Variants in ANXA2 observed in about 807,000 individuals in gnomAD.
ANXA2 encodes the protein annexin II.
A neutral mutation model predicts 47.3 loss-of-function variants in ANXA2; 28 were observed. The ratio of observed to expected loss-of-function variants is 0.59; its 90% CI spans 0.44 to 0.81. ANXA2 has a LOEUF of 0.81. Among genes scored for constraint, ANXA2 ranks in the 40% least tolerant of loss-of-function variants. The pLI is 0.00. For synonymous variants in ANXA2, 172 were observed against 155.5 expected (o/e 1.11, Z -0.79); for missense variants, 384 against 414.3 (o/e 0.93, Z 0.64).
intron 3 of ANXA2, among the ~76,000 whole-genome samples, chr15:60,380,825 A>C (rs1424094265): frequency 7.0e-6 from 1 of 143,594 alleles, no homozygotes; most frequent in Non-Finnish European, 1.5e-5. Flanking sequence ...AAAAAAAAAA[A>C]GATTTTTTTT....
chr15:60,381,145 T>C (rs1370408607), intron 3 of ANXA2, among the ~76,000 whole-genome samples: 1 of 152,182 alleles, frequency 6.6e-6, no homozygotes, highest in Non-Finnish European at 1.5e-5. Flanking sequence ...AACCAGGACG[T>C]CATCCTAGTT....
intron 5 of ANXA2, among the ~76,000 whole-genome samples, chr15:60,359,325 C>A (rs1452343796): frequency 6.6e-6 from 1 of 152,130 alleles, no homozygotes; most frequent in African/African-American, 2.4e-5. Context: ...TAAATAGATT[C>A]TTGATGAAAA....
rs1224089986 is a variant in ANXA2, at chr15:60,351,222, A to C, written c.808T>G (p.Phe270Val). ...VQCIQNKPLY[F>V]ADRLYDSMKG... The stretch of plus-strand genomic sequence containing the variant: ...ATGGAGTCATACAGCCGATCAGCAA[A>C]ATACAGGGGCTTGTTCTGAATGCAC... Residue 270 changes from phenylalanine to valine, a missense_variant, in exon 11 of 13, where the codon TTT becomes GTT. By Grantham distance (50) the Phe-to-Val change is conservative (BLOSUM62 -1). Coordinates refer to ENST00000451270, the MANE Select transcript of ANXA2 (RefSeq NM_004039.3). 6.2e-7 allele frequency: 1 copy of C among 1,614,102 alleles called. No individual in the cohort carries two copies. Among genetic ancestry groups the C allele is most frequent in the Non-Finnish European group, 8.5e-7 (1 of 1,180,046 alleles).
rs1418803199 is a variant in ANXA2, at chr15:60,397,923, G to A, written c.-12+20C>T. On this transcript the variant is annotated intron_variant, in intron 1 of 12. Coordinates refer to ENST00000451270, the MANE Select transcript of ANXA2 (RefSeq NM_004039.3). Reference sequence around the variant, plus strand: ...CTAGCTGGCGGCCCATCGCGGGCGGGCAGGGCGCGCCCCGCTTACCTGGGC... The same window carrying A: ...CTAGCTGGCGGCCCATCGCGGGCGGACAGGGCGCGCCCCGCTTACCTGGGC... 6.0e-6 allele frequency: 8 copies of A among 1,328,234 alleles called. No homozygotes were observed. Among genetic ancestry groups the A allele is most frequent in the Admixed American group, 7.4e-5 (2 of 27,190 alleles). 82.3% of individuals were successfully genotyped at this position (1,328,234 alleles called of 1,614,324 possible).
At chr15:60,363,029 C>CAAAAAAAAAAAAAAAAAA (rs55992595) in intron 4 of ANXA2, 6 of 74,034 alleles carry the variant, frequency 8.1e-5, no homozygotes, top group Non-Finnish European at 1.2e-4. Flanking sequence ...GACCCTGTCA[C>CAAAAAAAAAAAAAAAAAA]AAAAAAAAAA....
At chr15:60,377,846 C>A (rs969578011) in intron 3 of ANXA2, among the ~76,000 whole-genome samples, 6 of 151,846 alleles carry the variant, frequency 4.0e-5, no homozygotes, top group African/African-American at 1.5e-4. Context: ...CCAGCACTTT[C>A]GGAGGCCAAG....
Position 60,352,886 on chromosome 15 carries a change from G to C in ANXA2, c.589-410C>G, listed in dbSNP as rs868185152. 6.6e-6 allele frequency among the ~76,000 whole-genome samples: 1 copy of C among 152,174 alleles called. No individual in the cohort carries two copies. The highest frequency in any genetic ancestry group is 2.4e-5 in the African/African-American group (1 of 41,448). On this transcript the variant is annotated intron_variant, in intron 8 of 12. Transcript: ENST00000451270. This position sits in a 1 kb window ranked among gnomAD's most constrained non-coding sequence, Gnocchi z 4.2. ...CTACAGACCAGGCTCTCATTCTCAA[G>C]CTTCTCAGAGACTCAGGGAGTGATG...
intron 7 of ANXA2, 69 bp downstream of exon 7, chr15:60,355,850 A>C (rs1365560409): frequency 7.9e-7 from 1 of 1,269,688 alleles, no homozygotes; most frequent in Non-Finnish European, 1.2e-6. Flanking sequence ...ATTCACTCCA[A>C]GTATAAAATG....
At chr15:60,384,697 T>A (rs1025030170) in intron 2 of ANXA2, 9 of 152,320 alleles carry the variant, frequency 5.9e-5, no homozygotes, top group Non-Finnish European at 8.8e-5. Context: ...AAAAAGATTT[T>A]AAAAAAACTC....
At chr15:60,376,973 C>G (rs114540606) in intron 3 of ANXA2, among the ~76,000 whole-genome samples, 1 of 152,370 alleles carries the variant, frequency 6.6e-6, no homozygotes, top group South Asian at 2.1e-4. Context: ...TGTGTACACA[C>G]GGCTACCCCC....
chr15:60,384,212 C>T (rs978339786), intron 2 of ANXA2: 6 of 152,166 alleles, frequency 3.9e-5, no homozygotes, highest in Non-Finnish European at 5.9e-5. Context: ...AAAACATTTT[C>T]CCATTTATTA....
chr15:60,358,850 G>C (rs1243105345), intron 5 of ANXA2, among the ~76,000 whole-genome samples: 1 of 152,218 alleles, frequency 6.6e-6, no homozygotes, highest in Non-Finnish European at 1.5e-5. Context: ...TTGTAGAATT[G>C]CAAGACAGGC....
intron 1 of ANXA2, among the ~76,000 whole-genome samples, chr15:60,389,388 T>C (rs1472013526): frequency 6.6e-6 from 1 of 152,186 alleles, no homozygotes; most frequent in Non-Finnish European, 1.5e-5. Context: ...AACTTTTCAT[T>C]GTGTTGTTCT....
Position 60,393,738 on chromosome 15 carries a change from T to C in ANXA2, c.-12+4205A>G, listed in dbSNP as rs1463131892. The C allele has an allele frequency of 1.9e-5, 18 of 954,812 alleles. No individual in the cohort carries two copies. The Admixed American group carries it at 1.0e-3, about 56-fold the overall frequency. 59.1% of individuals were successfully genotyped at this position (954,812 alleles called of 1,614,324 possible). A position where few individuals can be genotyped will look rare whatever the true frequency, so the allele number is the denominator to read the frequency against. On this transcript the variant is annotated intron_variant, in intron 1 of 12. Coordinates refer to ENST00000451270, the MANE Select transcript of ANXA2 (RefSeq NM_004039.3). ...GCTTCTGCAGCTTTTTGTGTGTCTG[T>C]GCAACATTAGAGTTACATGTGTAAA...
rs1477669477 is a variant in ANXA2 at position 60,382,415 on chromosome 15, C to T, written c.75G>A (p.Gly25=). 3 of 1,613,726 alleles carry T rather than the reference C, an allele frequency of 1.9e-6. No homozygotes were observed. Among genetic ancestry groups the T allele is most frequent in the African/African-American group, 1.3e-5 (1 of 74,996 alleles). Residue 25 remains glycine, a synonymous_variant, in exon 3 of 13, where the codon GGG becomes GGA. Coordinates refer to ENST00000451270, the MANE Select transcript of ANXA2 (RefSeq NM_004039.3). The stretch of plus-strand genomic sequence containing the variant: ...CAAAGTTAGTATAGGCTTTGACAGA[C>T]CCATATGCACTTGGGGGTGTAGAGT... The part of the protein sequence containing the change: ...GDHSTPPSAY[G]SVKAYTNFDA...
chr15:60,365,910 A>T (rs1478398777), intron 3 of ANXA2, among the ~76,000 whole-genome samples: 2 of 127,438 alleles, frequency 1.6e-5, no homozygotes, highest in Admixed American at 8.5e-5. Context: ...CCAAAGCTGG[A>T]CGGTACTGCT....
At chr15:60,355,835 A>T in intron 7 of ANXA2, 84 bp downstream of exon 7, 1 of 1,136,828 alleles carries the variant, frequency 8.8e-7, no homozygotes, top group Non-Finnish European at 1.3e-6. Context: ...CAGGGGATTT[A>T]GTTAATTCAC....
At chr15:60,380,075 A>G (rs2062834729) in intron 3 of ANXA2, among the ~76,000 whole-genome samples, 1 of 152,228 alleles carries the variant, frequency 6.6e-6, no homozygotes, top group Admixed American at 6.5e-5. Flanking sequence ...GAATCTAGGC[A>G]CATCCAAATA....
intron 1 of ANXA2, chr15:60,391,040 T>G (rs1176824448): frequency 6.6e-6 from 1 of 152,416 alleles, no homozygotes; most frequent in Admixed American, 6.5e-5. Context: ...ACGCTGAGCC[T>G]GCACTATATT....
Sources: gnomAD v4.1 joint callset for allele counts (sites outside exome capture counted in the v4.1 genomes callset) on GRCh38, gnomAD v4.1.1 for gene constraint, Gnocchi (gnomAD v3.1) non-coding constraint, MANE v1.5 for transcripts, NCBI Gene and HGNC (gene_info 2026-07-23, HGNC 2026-07-21) for gene names.